SLC35F3: variants seen among roughly 807,000 people sequenced by gnomAD.
SLC35F3 encodes solute carrier family 35 member F3.
SLC35F3 carries 25 observed loss-of-function variants against 49.9 expected under a neutral mutation model. The observed-to-expected ratio is 0.50, with a 90% CI of 0.37 to 0.70. The LOEUF (loss-of-function observed/expected upper bound fraction) is 0.70. SLC35F3 is among the 30% of genes least tolerant of loss of function. SLC35F3 has a pLI of 0.00. For synonymous variants in SLC35F3, 275 were observed against 265.4 expected (o/e 1.04, Z -0.35); for missense variants, 525 against 639.8 (o/e 0.82, Z 1.94).
intron 2 of SLC35F3, among the ~76,000 whole-genome samples, chr1:233,931,865 T>G (rs1316634872): frequency 6.6e-6 from 1 of 152,208 alleles, no homozygotes; most frequent in Non-Finnish European, 1.5e-5. Context: ...GCAGCACTAT[T>G]CACAATAGCA....
chr1:233,970,240 TG>T (rs768056013), intron 2 of SLC35F3, among the ~76,000 whole-genome samples: 1 of 152,138 alleles, frequency 6.6e-6, no homozygotes, highest in Non-Finnish European at 1.5e-5. Flanking sequence ...GGCCACCTTC[TG>T]GGGGTCTTGG....
intron 2 of SLC35F3, among the ~76,000 whole-genome samples, chr1:234,116,189 G>A (rs985352424): frequency 2.0e-5 from 3 of 152,100 alleles, no homozygotes; most frequent in Non-Finnish European, 4.4e-5. Flanking sequence ...ATCTGGCCTC[G>A]GTCTGTAGCT....
intron 2 of SLC35F3, chr1:234,212,640 A>G (rs554890334): frequency 3.1e-4 from 47 of 152,366 alleles, no homozygotes; most frequent in African/African-American, 1.0e-3. Flanking sequence ...GAAATTATTT[A>G]TGTAAAACAG....
intron 2 of SLC35F3, among the ~76,000 whole-genome samples, chr1:234,103,702 T>C (rs1035790697): frequency 1.3e-5 from 2 of 152,214 alleles, no homozygotes; most frequent in Admixed American, 6.5e-5. Flanking sequence ...AGCTGTATCC[T>C]CTTCTTTGGT....
intron 2 of SLC35F3, among the ~76,000 whole-genome samples, chr1:234,047,673 A>C: frequency 6.8e-6 from 1 of 146,312 alleles, no homozygotes; most frequent in Non-Finnish European, 1.5e-5. Flanking sequence ...ATAAGAAATC[A>C]TACACATACA....
At chr1:233,930,555 C>T (rs1455289071) in intron 2 of SLC35F3, among the ~76,000 whole-genome samples, 8 of 152,216 alleles carry the variant, frequency 5.3e-5, no homozygotes, top group Admixed American at 3.9e-4. Context: ...ACAGGTGACC[C>T]TTGAAAAACA....
chr1:234,272,481 G>T (rs1668123336), intron 3 of SLC35F3: 1 of 152,152 alleles, frequency 6.6e-6, no homozygotes, highest in South Asian at 2.1e-4. Context: ...TCTGAGATAG[G>T]GTGGACTGGG....
At chr1:233,964,216 A>C (rs2102813371) in intron 2 of SLC35F3, among the ~76,000 whole-genome samples, 1 of 152,266 alleles carries the variant, frequency 6.6e-6, no homozygotes, top group Non-Finnish European at 1.5e-5. Flanking sequence ...GGAAGAGTGA[A>C]AATCCTGATT....
At chr1:233,940,654 A>G (rs1662405749) in intron 2 of SLC35F3, among the ~76,000 whole-genome samples, 3 of 152,220 alleles carry the variant, frequency 2.0e-5, no homozygotes, top group African/African-American at 7.2e-5. Flanking sequence ...ACTCTCAAAT[A>G]AGATATATTT....
At chr1:234,283,788 C>T (rs182524454) in intron 3 of SLC35F3, among the ~76,000 whole-genome samples, 257 of 152,332 alleles carry the variant, frequency 1.7e-3, no homozygotes, top group Admixed American at 4.4e-3. Context: ...GACATTACAG[C>T]ATGAGAATGA....
chr1:233,961,706 T>C (rs904398152), intron 2 of SLC35F3, among the ~76,000 whole-genome samples: 1 of 152,182 alleles, frequency 6.6e-6, no homozygotes, highest in African/African-American at 2.4e-5. Context: ...TCCACTTGCT[T>C]TGGCCTCCCA....
At chr1:234,064,424 C>T (rs893563583) in intron 2 of SLC35F3, among the ~76,000 whole-genome samples, 2 of 151,906 alleles carry the variant, frequency 1.3e-5, no homozygotes, top group East Asian at 1.9e-4. Context: ...CCTCTAAAAC[C>T]TTTTACCATT....
chr1:234,247,779 ATTGTTCAGTGGGTTG>A (rs1297950921), intron 3 of SLC35F3, among the ~76,000 whole-genome samples: 3 of 149,400 alleles, frequency 2.0e-5, no homozygotes, highest in Non-Finnish European at 3.0e-5. Context: ...TGGCTGGTTC[ATTGTTCAGTGGGTTG>A]GTTGGCTGGT....
chr1:233,934,467 T>G (rs2102795452), intron 2 of SLC35F3, among the ~76,000 whole-genome samples: 1 of 152,352 alleles, frequency 6.6e-6, no homozygotes, highest in East Asian at 1.9e-4. Flanking sequence ...TGGGTTATAC[T>G]ATTGAGTTAC....
At chr1:234,220,559 A>G (rs555159594) in intron 2 of SLC35F3, among the ~76,000 whole-genome samples, 1 of 152,170 alleles carries the variant, frequency 6.6e-6, no homozygotes, top group Non-Finnish European at 1.5e-5. Flanking sequence ...CGTAATTCCC[A>G]CTGTGCAATG....
chr1:234,066,824 TCTCTCCCA>T (rs1664626011), intron 2 of SLC35F3, among the ~76,000 whole-genome samples: 1 of 131,024 alleles, frequency 7.6e-6, no homozygotes, highest in African/African-American at 3.2e-5. Context: ...TCTGTCCCTC[TCTCTCCCA>T]CACACACACA....
chr1:234,131,769 T>C (rs895750853), intron 2 of SLC35F3, among the ~76,000 whole-genome samples: 1 of 152,178 alleles, frequency 6.6e-6, no homozygotes, highest in African/African-American at 2.4e-5. Flanking sequence ...TAGCTTTTAA[T>C]AGACCCAAAG....
chr1:234,300,730 G>A (rs147018863), intron 3 of SLC35F3, among the ~76,000 whole-genome samples: 1 of 152,222 alleles, frequency 6.6e-6, no homozygotes, highest in Non-Finnish European at 1.5e-5. Context: ...ACCAACCAAA[G>A]AGGTTGGCCA....
At chr1:234,178,550 C>T (rs926852917) in intron 2 of SLC35F3, among the ~76,000 whole-genome samples, 1 of 152,160 alleles carries the variant, frequency 6.6e-6, no homozygotes, top group African/African-American at 2.4e-5. Context: ...CTCCCATACC[C>T]GCACAGCCTG....
Sources: gnomAD v4.1 joint callset for allele counts (sites outside exome capture counted in the v4.1 genomes callset) on GRCh38, gnomAD v4.1.1 for gene constraint, MANE v1.5 for transcripts, NCBI Gene and HGNC (gene_info 2026-07-23, HGNC 2026-07-21) for gene names.